SNTG2: variants seen among roughly 807,000 people sequenced by gnomAD.
SNTG2 encodes the protein gamma-2-syntrophin.
SNTG2 carries 74 observed loss-of-function variants against 70.9 expected under a neutral mutation model. That is an observed-to-expected ratio of 1.04 (90% CI 0.86 to 1.27). The LOEUF is 1.27. Among genes scored for constraint, SNTG2 ranks in the 50% most tolerant of loss-of-function variants. SNTG2 has a pLI of 0.00. For synonymous variants in SNTG2, 278 were observed against 273.8 expected, an observed-to-expected ratio of 1.02 and a Z score of -0.15; for missense variants, 717 against 690.7, an observed-to-expected ratio of 1.04 and a Z score of -0.43.
chr2:1,080,064 A>T (rs562326647), intron 1 of SNTG2, among the ~76,000 whole-genome samples: 8 of 152,058 alleles, frequency 5.3e-5, no homozygotes, highest in African/African-American at 1.9e-4. Flanking sequence ...GAGGTCCTCC[A>T]TGAGAGCCCC....
At chr2:1,340,828 A>G (rs907363938) in intron 16 of SNTG2, among the ~76,000 whole-genome samples, 4 of 152,218 alleles carry the variant, frequency 2.6e-5, no homozygotes, top group Admixed American at 2.6e-4. Context: ...TGTTTTGCAC[A>G]GGGCAATTAC....
chr2:1,166,318 AC>A (rs1310153003), intron 7 of SNTG2, among the ~76,000 whole-genome samples: 1 of 151,742 alleles, frequency 6.6e-6, no homozygotes, highest in Non-Finnish European at 1.5e-5. Context: ...GGTGGCTCAA[AC>A]CCCAGGGCAT....
At chr2:1,211,944 A>G (rs1416867200) in intron 9 of SNTG2, among the ~76,000 whole-genome samples, 1 of 152,168 alleles carries the variant, frequency 6.6e-6, no homozygotes, top group Admixed American at 6.5e-5. Flanking sequence ...TTGACCCACT[A>G]AGCCATTCAT....
At chr2:1,149,848 T>C (rs71339717) in intron 6 of SNTG2, among the ~76,000 whole-genome samples, 141,236 of 151,026 alleles carry the variant, frequency 0.94, 66,169 homozygotes, top group Non-Finnish European at 0.97. Context: ...CCACCGCGCC[T>C]GGCTAATTTT....
rs777140537 is a variant in SNTG2 at position 1,221,206 on chromosome 2, G to A, written c.719+11976G>A. 1.3e-4 allele frequency among the ~76,000 whole-genome samples: 19 copies of A among 151,098 alleles called. No homozygotes were observed. In the Middle Eastern group the frequency reaches 0.01, roughly 81 times the overall value. ...TGTGACACTGCTTCCGAGATTCCCCGGGTGCTCCTCTGTCTCTGAGTCTGT... is the reference window on the plus strand; with the variant it reads ...TGTGACACTGCTTCCGAGATTCCCCAGGTGCTCCTCTGTCTCTGAGTCTGT... On this transcript the variant is annotated intron_variant, in intron 9 of 16. Transcript: ENST00000308624.
rs560349520 is a variant in SNTG2, at chr2:1,219,685, GGAAGGGAGGGGAGTGGAGGGGAGGC to G, written c.719+10458_719+10482del. ...TTCTAAAACATAGAAGGAAAGAAAG[GGAAGGGAGGGGAGTGGAGGGGAGGC>G]GAGGGGAGGGGAGGCGGAGAGGAAG... is the stretch of plus-strand genomic sequence containing the variant. On this transcript the variant is annotated intron_variant, in intron 9 of 16. Coordinates refer to ENST00000308624, the MANE Select transcript of SNTG2 (RefSeq NM_018968.4). Among the ~76,000 whole-genome samples the G allele has an allele frequency of 3.5e-3, 532 of 152,018 alleles. 6 individuals are homozygous for G. The highest frequency in any genetic ancestry group is 7.7e-3 in the Admixed American group (117 of 15,266).
chr2:1,016,407 A>G (rs1659892755), intron 1 of SNTG2, among the ~76,000 whole-genome samples: 3 of 152,082 alleles, frequency 2.0e-5, no homozygotes, highest in African/African-American at 7.2e-5. Flanking sequence ...TGCCTGGCTA[A>G]TTTTTGTATT....
chr2:1,251,465 A>ATG (rs1677755437), intron 12 of SNTG2, among the ~76,000 whole-genome samples: 1 of 146,818 alleles, frequency 6.8e-6, no homozygotes, highest in Non-Finnish European at 1.5e-5. Flanking sequence ...CACACACCAC[A>ATG]CACACACCAC....
chr2:991,941 C>G (rs1028340412), intron 1 of SNTG2, among the ~76,000 whole-genome samples: 1 of 152,080 alleles, frequency 6.6e-6, no homozygotes, highest in Non-Finnish European at 1.5e-5. Context: ...ATGCTGTGCT[C>G]ACCTGTTAAG....
At chr2:1,019,050 G>C (rs546976642) in intron 1 of SNTG2, among the ~76,000 whole-genome samples, 2 of 152,330 alleles carry the variant, frequency 1.3e-5, no homozygotes, top group Non-Finnish European at 2.9e-5. Flanking sequence ...GAAGGACCTG[G>C]CATCAGCTCT....
At chr2:1,233,162 T>C (rs1676374514) in intron 9 of SNTG2, among the ~76,000 whole-genome samples, 1 of 152,248 alleles carries the variant, frequency 6.6e-6, no homozygotes, top group African/African-American at 2.4e-5. Context: ...TTTGACTTTC[T>C]CCGGCATTGA....
chr2:1,070,805 C>T (rs940968967), intron 1 of SNTG2, among the ~76,000 whole-genome samples: 5 of 152,138 alleles, frequency 3.3e-5, no homozygotes, highest in East Asian at 1.9e-4. Flanking sequence ...GCAGGTGAAC[C>T]GTGACGAGGG....
At chr2:1,223,228 G>GAT in intron 9 of SNTG2, among the ~76,000 whole-genome samples, 1 of 113,486 alleles carries the variant, frequency 8.8e-6, no homozygotes, top group African/African-American at 3.1e-5. Flanking sequence ...CCTGCCTGCT[G>GAT]CTGGAGGTGC....
chr2:1,223,813 C>G (rs1442713488), intron 9 of SNTG2, among the ~76,000 whole-genome samples: 1 of 145,412 alleles, frequency 6.9e-6, no homozygotes, highest in Non-Finnish European at 1.6e-5. Flanking sequence ...TGTGGGCTGC[C>G]ATAGCCCAGT....
At chr2:1,033,505 G>T (rs191330297) in intron 1 of SNTG2, among the ~76,000 whole-genome samples, 1 of 148,166 alleles carries the variant, frequency 6.7e-6, no homozygotes, top group African/African-American at 2.4e-5. Context: ...CTGCAGAGCT[G>T]TGGAGACGGG....
intron 4 of SNTG2, among the ~76,000 whole-genome samples, chr2:1,131,797 G>GC (rs1668032783): frequency 6.6e-6 from 1 of 151,792 alleles, no homozygotes; most frequent in Non-Finnish European, 1.5e-5. Context: ...GACTACAGGC[G>GC]ACGCCACCAC....
At position 1,098,377 on chromosome 2, in the gene SNTG2, G is replaced by C. The variant is rs1395167414; in HGVS notation, c.292G>C (p.Val98Leu). 6.2e-7 allele frequency: 1 copy of C among 1,613,958 alleles called. No individual in the cohort carries two copies. Among genetic ancestry groups the C allele is most frequent in the South Asian group, 1.1e-5 (1 of 91,084 alleles). ...IKGGSEHNVP[V>L]VISKIFEDQA... Reference sequence around the variant, plus strand: ...GGGAGGTTCTGAGCACAACGTCCCTGTCGTCATATCAAAAATATTCGAAGA... The same window carrying C: ...GGGAGGTTCTGAGCACAACGTCCCTCTCGTCATATCAAAAATATTCGAAGA... The change falls in exon 4 of 17, where the codon GTC becomes CTC. Residue 98 changes from valine (V) to leucine (L), a missense_variant. Val to Leu is a conservative substitution (Grantham distance 32, BLOSUM62 1). Transcript: ENST00000308624.
chr2:1,267,388 G>A lies in SNTG2; in HGVS notation c.1101G>A (p.Trp367Ter). 6.2e-7 allele frequency: 1 copy of A among 1,606,234 alleles called. No homozygotes were observed. The highest frequency in any genetic ancestry group is 8.5e-7 in the Non-Finnish European group (1 of 1,176,002). The change falls in exon 14 of 17, where the codon TGG becomes TGA. Residue 367 changes from tryptophan (W) to a stop codon, truncating the protein, a stop_gained. Coordinates refer to ENST00000308624, the MANE Select transcript of SNTG2 (RefSeq NM_018968.4). LOFTEE classifies it high-confidence loss of function. ...AGTTCTGGCTCACAGAGGACTGCTGGTTGCAAGCAAACTTGTATCTGGGTC... is the reference window on the plus strand; with the variant it reads ...AGTTCTGGCTCACAGAGGACTGCTGATTGCAAGCAAACTTGTATCTGGGTC... ...VHKFWLTEDCWLQANLYLGLQ... is the reference protein window; with the variant it reads ...VHKFWLTEDC
chr2:1,035,784 G>C (rs897962236), intron 1 of SNTG2, among the ~76,000 whole-genome samples: 7 of 152,014 alleles, frequency 4.6e-5, no homozygotes, highest in Admixed American at 4.6e-4. Flanking sequence ...TTGTATATTT[G>C]CATTTATCTT....
Sources: allele counts gnomAD v4.1 joint callset (sites outside exome capture counted in the v4.1 genomes callset), GRCh38; gene constraint gnomAD v4.1.1; transcripts MANE v1.5; gene names NCBI Gene and HGNC (gene_info 2026-07-23, HGNC 2026-07-21).